The following FARS2 variants were observed in gnomAD, a reference collection of about 807,000 sequenced individuals.
FARS2 encodes phenylalanine--tRNA ligase, mitochondrial.
Under a neutral mutation model 46.4 loss-of-function variants are expected in FARS2, and 40 were observed. That is an observed-to-expected ratio of 0.86 (90% CI 0.67 to 1.12). FARS2 has a LOEUF of 1.12. Among genes scored for constraint, FARS2 ranks in the 50% most tolerant of loss-of-function variants. The pLI, the probability that FARS2 is intolerant of heterozygous loss-of-function variation, is 0.00. For missense variants in FARS2, 513 were observed against 567.9 expected (o/e 0.90, Z 0.98); for synonymous variants, 234 against 214.9 (o/e 1.09, Z -0.78).
intron 1 of FARS2, among the ~76,000 whole-genome samples, chr6:5,278,473 TAC>T (rs2127846597): frequency 6.6e-6 from 1 of 152,334 alleles, no homozygotes; most frequent in East Asian, 1.9e-4. Context: ...AAGGGATTTT[TAC>T]ACAAAGTTTT....
chr6:5,578,590 A>G (rs948017466), intron 5 of FARS2, among the ~76,000 whole-genome samples: 1 of 151,976 alleles, frequency 6.6e-6, no homozygotes, highest in Non-Finnish European at 1.5e-5. Context: ...TGGGCAGATC[A>G]TGAGGTCAGG....
intron 1 of FARS2, among the ~76,000 whole-genome samples, chr6:5,325,725 CTAT>C (rs967697038): frequency 4.6e-5 from 7 of 151,772 alleles, no homozygotes; most frequent in South Asian, 2.1e-4. Flanking sequence ...TGATTTTTTT[CTAT>C]TATTAAGTTT....
At chr6:5,410,439 G>A (rs1391547483) in intron 3 of FARS2, among the ~76,000 whole-genome samples, 2 of 152,294 alleles carry the variant, frequency 1.3e-5, no homozygotes, top group African/African-American at 4.8e-5. Flanking sequence ...TGGGATTACA[G>A]GCGTGAGCCA....
At chr6:5,394,436 C>T (rs1185616425) in intron 2 of FARS2, among the ~76,000 whole-genome samples, 1 of 152,100 alleles carries the variant, frequency 6.6e-6, no homozygotes, top group East Asian at 1.9e-4. Context: ...GTGGGCTATA[C>T]CATCTAGGTT....
intron 3 of FARS2, among the ~76,000 whole-genome samples, 156 bp downstream of exon 3, chr6:5,404,857 T>C (rs1021884364): frequency 6.6e-6 from 1 of 151,128 alleles, no homozygotes; most frequent in East Asian, 2.0e-4. Flanking sequence ...TGGAGTATAG[T>C]GGTGCGATCT....
intron 6 of FARS2, among the ~76,000 whole-genome samples, chr6:5,702,297 G>A (rs1421880401): frequency 2.6e-5 from 4 of 152,176 alleles, no homozygotes; most frequent in East Asian, 1.9e-4. Context: ...ACCAGAAAGC[G>A]AAGTATTTCA....
intron 6 of FARS2, among the ~76,000 whole-genome samples, chr6:5,621,216 A>G (rs1002699142): frequency 6.6e-6 from 1 of 150,462 alleles, no homozygotes; most frequent in Admixed American, 6.6e-5. Context: ...TCTCCCAAGT[A>G]GCTAGGACTA....
chr6:5,759,029 A>G (rs1434905704), intron 6 of FARS2, among the ~76,000 whole-genome samples: 1 of 152,190 alleles, frequency 6.6e-6, no homozygotes, highest in East Asian at 1.9e-4. Context: ...GGTGCTCTAA[A>G]CTGAGCTTGA....
At chr6:5,512,765 A>G (rs1404783283) in intron 4 of FARS2, among the ~76,000 whole-genome samples, 1 of 152,174 alleles carries the variant, frequency 6.6e-6, no homozygotes, top group East Asian at 1.9e-4. Context: ...AGCAAAAAAT[A>G]TGTATTAAGC....
chr6:5,266,420 C>T (rs1765554703), intron 1 of FARS2, among the ~76,000 whole-genome samples: 1 of 152,060 alleles, frequency 6.6e-6, no homozygotes, highest in South Asian at 2.1e-4. Context: ...AATCCCAGCA[C>T]TGTGGGAGGC....
At chr6:5,394,680 C>A (rs1377565399) in intron 2 of FARS2, among the ~76,000 whole-genome samples, 2 of 151,902 alleles carry the variant, frequency 1.3e-5, no homozygotes, top group African/African-American at 4.8e-5. Flanking sequence ...TTTTCTTGTA[C>A]CTTCTGTAAG....
chr6:5,489,412 C>T (rs10223725), intron 4 of FARS2, among the ~76,000 whole-genome samples: 19,150 of 152,114 alleles, frequency 0.13, 1,477 homozygotes, highest in Non-Finnish European at 0.17. Context: ...TGAGATGGCA[C>T]CACTGCACTC....
chr6:5,459,828 A>G (rs11967386), intron 4 of FARS2, among the ~76,000 whole-genome samples: 1,711 of 152,198 alleles, frequency 0.011, 24 homozygotes, highest in African/African-American at 0.039. Context: ...TGCCAGTTTC[A>G]ACTGTTTGAC....
At chr6:5,258,305 C>T (rs572881027), upstream of FARS2, among the ~76,000 whole-genome samples, 55 of 152,308 alleles carry the variant, frequency 3.6e-4, no homozygotes, top group African/African-American at 1.3e-3. Context: ...CATTAAAAAA[C>T]GTTTACTAGT....
chr6:5,449,503 A>G (rs1764367349), intron 4 of FARS2, among the ~76,000 whole-genome samples: 1 of 152,182 alleles, frequency 6.6e-6, no homozygotes, highest in Non-Finnish European at 1.5e-5. Flanking sequence ...GGGTTCCTTT[A>G]TCTATTAAAT....
chr6:5,434,485 G>A (rs539084371), intron 4 of FARS2, among the ~76,000 whole-genome samples: 1 of 152,272 alleles, frequency 6.6e-6, no homozygotes, highest in African/African-American at 2.4e-5. Context: ...TTATAGAACG[G>A]ATTCTGTGTA....
intron 1 of FARS2, among the ~76,000 whole-genome samples, chr6:5,296,348 A>G (rs563374230): frequency 3.6e-4 from 55 of 151,980 alleles, no homozygotes; most frequent in Admixed American, 3.1e-3. Flanking sequence ...TCACTGTGTT[A>G]GCCAGGATGG....
chr6:5,404,753 G>C, intron 3 of FARS2, 52 bp downstream of exon 3: 1 of 1,104,128 alleles, frequency 9.1e-7, no homozygotes, highest in East Asian at 2.8e-5. Context: ...ACTTGGGACA[G>C]AAGTGTTTTG....
At chr6:5,363,770 C>G (rs1758469322) in intron 1 of FARS2, among the ~76,000 whole-genome samples, 1 of 152,184 alleles carries the variant, frequency 6.6e-6, no homozygotes, top group Admixed American at 6.5e-5. Flanking sequence ...TGTCTTACTC[C>G]TTACATCCCC....
Sources: gnomAD v4.1 joint callset for allele counts (sites outside exome capture counted in the v4.1 genomes callset) on GRCh38, gnomAD v4.1.1 for gene constraint, MANE v1.5 for transcripts, NCBI Gene and HGNC (gene_info 2026-07-23, HGNC 2026-07-21) for gene names.